FLNB: variants seen among roughly 807,000 people sequenced by gnomAD.
FLNB encodes filamin-B.
In FLNB, 111 loss-of-function variants were observed where a neutral mutation model predicts 250.6. The ratio of observed to expected loss-of-function variants is 0.44; its 90% CI spans 0.38 to 0.52. FLNB has a LOEUF of 0.52. FLNB is among the 20% of genes least tolerant of loss of function. The pLI, the probability that FLNB is intolerant of heterozygous loss-of-function variation, is 0.00. For missense variants in FLNB, 2,869 were observed against 3,447.8 expected (o/e 0.83, Z 4.20); for synonymous variants, 1,302 against 1,372.1 (o/e 0.95, Z 1.13).
At chr3:58,163,637 GCA>G in intron 43 of FLNB, 1 of 410,752 alleles carries the variant, frequency 2.4e-6, no homozygotes. Context: ...AGGGAACACA[GCA>G]CAGTGTCATT....
chr3:58,134,867 C>T (rs1231036724), intron 27 of FLNB, 95 bp downstream of exon 27: 3 of 1,157,210 alleles, frequency 2.6e-6, no homozygotes, highest in Non-Finnish European at 3.8e-6. Flanking sequence ...CGATTTCTGA[C>T]TCAATGCAAG....
intron 8 of FLNB, among the ~76,000 whole-genome samples, chr3:58,100,371 A>ATATATATATATATATATATAT (rs1273706014): frequency 2.4e-4 from 6 of 25,240 alleles, no homozygotes; most frequent in African/African-American, 1.5e-3. Context: ...ATGTAAAAAA[A>ATATATATATATATATATATAT]AAATATATAT....
chr3:58,042,104 G>A (rs1033900357), intron 1 of FLNB, among the ~76,000 whole-genome samples: 6 of 152,140 alleles, frequency 3.9e-5, no homozygotes, highest in African/African-American at 1.2e-4. Context: ...CCTGTGTTTG[G>A]TGTGTATGGG....
At chr3:58,071,701 C>A (rs886949316) in intron 1 of FLNB, among the ~76,000 whole-genome samples, 1 of 152,132 alleles carries the variant, frequency 6.6e-6, no homozygotes, top group African/African-American at 2.4e-5. Flanking sequence ...TCTGTCCATG[C>A]CTCTCCTCAT....
chr3:58,082,803 A>T (rs1186685182), intron 4 of FLNB, among the ~76,000 whole-genome samples: 3 of 151,710 alleles, frequency 2.0e-5, no homozygotes, highest in African/African-American at 7.3e-5. Flanking sequence ...AGAAAATGTT[A>T]TCCCAGTGGG....
At chr3:58,112,082 T>C (rs2097269765) in intron 17 of FLNB, 67 bp from the exon 18 acceptor site, 3 of 1,491,872 alleles carry the variant, frequency 2.0e-6, no homozygotes, top group Admixed American at 1.7e-5. Context: ...TGAACCTGTC[T>C]GACGGGTTCT....
chr3:58,144,760 A>G lies in FLNB; in HGVS notation c.5425+1147A>G, dbSNP rs905200976. ...CACCTTCTTTTCCACAAAATTTGCC[A>G]GTAGAATATGGTATCAAATTTTTGG... On this transcript the variant is annotated intron_variant, in intron 32 of 45. Coordinates refer to ENST00000295956, the MANE Select transcript of FLNB (RefSeq NM_001457.4). Among the ~76,000 whole-genome samples, 12 of 152,362 alleles carry G rather than the reference A, an allele frequency of 7.9e-5. No individual in the cohort carries two copies. The South Asian group carries it at 8.3e-4, about 11-fold the overall frequency.
chr3:58,050,744 A>G (rs1211754257), intron 1 of FLNB, among the ~76,000 whole-genome samples: 1 of 152,172 alleles, frequency 6.6e-6, no homozygotes, highest in Non-Finnish European at 1.5e-5. Context: ...AGATTGGTGC[A>G]CTGGGTAGCT....
intron 38 of FLNB, among the ~76,000 whole-genome samples, chr3:58,151,932 T>G (rs1389530429): frequency 1.3e-5 from 2 of 152,266 alleles, no homozygotes; most frequent in Non-Finnish European, 2.9e-5. Context: ...CTTCTCACTT[T>G]GGCCAACCTG....
chr3:58,047,906 G>A (rs769371034), intron 1 of FLNB, among the ~76,000 whole-genome samples: 1 of 151,994 alleles, frequency 6.6e-6, no homozygotes, highest in African/African-American at 2.4e-5. Flanking sequence ...TACTCAGCTC[G>A]TATCATGACC....
intron 1 of FLNB, among the ~76,000 whole-genome samples, chr3:58,023,321 G>T (rs1258774443): frequency 1.3e-5 from 2 of 152,064 alleles, no homozygotes; most frequent in African/African-American, 4.8e-5. Flanking sequence ...GACCTCAAGT[G>T]ATCCACCTAC....
At position 58,071,907 on chromosome 3, in the gene FLNB, C is replaced by T. The variant is rs80014093; in HGVS notation, c.293-5139C>T. 6.5e-3 allele frequency among the ~76,000 whole-genome samples: 983 copies of T among 152,264 alleles called. 11 individuals carry two copies. The highest frequency in any genetic ancestry group is 0.022 in the African/African-American group (926 of 41,550). On this transcript the variant is annotated intron_variant, in intron 1 of 45. Transcript: ENST00000295956. The stretch of plus-strand genomic sequence containing the variant: ...CTCCTTGACCTCTGGGGAACTCATC[C>T]ACAAAGAAGATGTTTCCAAGATGCT...
At chr3:58,114,696 G>GTT (rs71091347) in intron 18 of FLNB, among the ~76,000 whole-genome samples, 4 of 144,518 alleles carry the variant, frequency 2.8e-5, no homozygotes, top group Non-Finnish European at 6.0e-5. Flanking sequence ...GCTAACATTT[G>GTT]TTTTTTTTCT....
At position 58,170,645 on chromosome 3, in the gene FLNB, A is replaced by G; in HGVS notation, c.7692A>G (p.Val2564=). ...TPCEEVSMKH[V]GNQQYNVTYV... ...GCGAGGAGGTCTCCATGAAGCATGT[A>G]GGCAACCAGCAATACAACGTCACAT... The change falls in exon 46 of 46, where the codon GTA becomes GTG. Residue 2564 remains valine, a synonymous_variant. Transcript: ENST00000295956. 1 of 1,614,124 alleles carries G rather than the reference A, an allele frequency of 6.2e-7. No homozygotes were observed.
intron 1 of FLNB, among the ~76,000 whole-genome samples, chr3:58,033,570 T>C (rs1257805197): frequency 6.6e-6 from 1 of 152,138 alleles, no homozygotes; most frequent in Non-Finnish European, 1.5e-5. Context: ...TTTTGTATTT[T>C]TAGTAAAGAT....
chr3:58,134,867 C>A, intron 27 of FLNB, 95 bp downstream of exon 27: 3 of 1,157,324 alleles, frequency 2.6e-6, no homozygotes, highest in Non-Finnish European at 3.8e-6. Context: ...CGATTTCTGA[C>A]TCAATGCAAG....
intron 1 of FLNB, among the ~76,000 whole-genome samples, chr3:58,011,340 A>G (rs1345846556): frequency 6.6e-6 from 1 of 151,976 alleles, no homozygotes; most frequent in Non-Finnish European, 1.5e-5. Flanking sequence ...TCCTGTTCCT[A>G]CCACAACTTG....
chr3:58,055,109 A>G lies in FLNB; in HGVS notation c.293-21937A>G, dbSNP rs143358301. Among the ~76,000 whole-genome samples, 754 of 152,228 alleles carry G rather than the reference A, an allele frequency of 5.0e-3. 4 individuals carry two copies. The highest frequency in any genetic ancestry group is 0.017 in the African/African-American group (725 of 41,544). On this transcript the variant is annotated intron_variant, in intron 1 of 45. Coordinates refer to ENST00000295956, the MANE Select transcript of FLNB (RefSeq NM_001457.4). ...TGGTGAAATCCTGTCTCTACCAAAA[A>G]TACAAAAATTAGCTAGGCTTGGTGG...
At position 58,168,655 on chromosome 3, in the gene FLNB, A is replaced by G; in HGVS notation, c.7414A>G (p.Thr2472Ala). 1 of 1,611,624 alleles carries G rather than the reference A, an allele frequency of 6.2e-7. No homozygotes were observed. Among genetic ancestry groups the G allele is most frequent in the Admixed American group, 1.7e-5 (1 of 60,022 alleles). ...IVGSPFKAKV[T>A]GQRLVSPGSA... ...GGGCAGTCCCTTCAAGGCCAAGGTG[A>G]CAGGTAACGAACAACCACCTTCGGA... is the stretch of plus-strand genomic sequence containing the variant. The change falls in exon 44 of 46, where the codon ACA becomes GCA. Residue 2472 changes from threonine to alanine, a missense_variant. Thr to Ala is a moderately conservative substitution (Grantham distance 58, BLOSUM62 0). Coordinates refer to ENST00000295956, the MANE Select transcript of FLNB (RefSeq NM_001457.4).
Sources: allele counts gnomAD v4.1 joint callset (sites outside exome capture counted in the v4.1 genomes callset), GRCh38; gene constraint gnomAD v4.1.1; transcripts MANE v1.5; gene names NCBI Gene and HGNC (gene_info 2026-07-23, HGNC 2026-07-21).